Variants in CLVS1 observed in about 807,000 individuals in gnomAD.
The protein encoded by CLVS1 is clavesin 1.
In CLVS1, 10 loss-of-function variants were observed where a neutral mutation model predicts 33.1. The ratio of observed to expected loss-of-function variants is 0.30; its 90% confidence interval spans 0.19 to 0.51. CLVS1 has a LOEUF of 0.51. Ranked by LOEUF, CLVS1 falls within the 20% of genes least tolerant of loss-of-function variation. The probability of loss-of-function intolerance (pLI) is 0.97; values close to 1 mark genes in which losing one functional copy is unlikely to be tolerated. For missense variants in CLVS1, 343 were observed against 433.4 expected (o/e 0.79, Z 1.85); for synonymous variants, 163 against 166.1 (o/e 0.98, Z 0.14).
chr8:61,233,298 C>T (rs1357155155), intron 2 of CLVS1, among the ~76,000 whole-genome samples: 2 of 152,110 alleles, frequency 1.3e-5, no homozygotes, highest in African/African-American at 2.4e-5. Flanking sequence ...AACACCCTTG[C>T]CTTGTGAGGA....
intron 2 of CLVS1, among the ~76,000 whole-genome samples, chr8:61,331,776 C>T (rs1811602053): frequency 6.6e-6 from 1 of 151,434 alleles, no homozygotes; most frequent in Non-Finnish European, 1.5e-5. Context: ...TCTACATTTT[C>T]TCATTTCCTC....
At chr8:60,990,731 CAG>C in the CLVS1 span, among the ~76,000 whole-genome samples, 4,080 of 145,434 alleles carry the variant, frequency 0.028, 167 homozygotes, top group African/African-American at 0.094. Flanking sequence ...TTTTTTGAGA[CAG>C]AGTCTCATTC....
At chr8:61,408,912 T>C (rs905249471) in intron 3 of CLVS1, among the ~76,000 whole-genome samples, 16 of 152,180 alleles carry the variant, frequency 1.1e-4, no homozygotes, top group African/African-American at 3.6e-4. Context: ...GGGGAAACGA[T>C]GGTCTCCATA....
At chr8:61,001,694 C>T in the CLVS1 span, among the ~76,000 whole-genome samples, 1 of 152,224 alleles carries the variant, frequency 6.6e-6, no homozygotes, top group Admixed American at 6.5e-5. Context: ...TGGCTTTCTG[C>T]ATCCTAATTC....
intron 1 of CLVS1, among the ~76,000 whole-genome samples, chr8:61,092,922 G>A (rs772703494): frequency 5.3e-5 from 8 of 152,094 alleles, no homozygotes; most frequent in African/African-American, 9.7e-5. Flanking sequence ...ACTGGGCCAC[G>A]GCAGGGATTA....
chr8:61,367,760 A>G (rs147335093), intron 2 of CLVS1, among the ~76,000 whole-genome samples: 135 of 152,330 alleles, frequency 8.9e-4, no homozygotes, highest in African/African-American at 3.1e-3. Flanking sequence ...GACAGCTGGG[A>G]TTTAAATCAG....
intron 1 of CLVS1, among the ~76,000 whole-genome samples, chr8:61,066,086 G>A (rs1016078005): frequency 2.0e-5 from 3 of 152,186 alleles, no homozygotes; most frequent in African/African-American, 7.2e-5. Flanking sequence ...TATTTACACA[G>A]TGCAGTTGGG....
At position 61,256,801 on chromosome 8, in the gene CLVS1, A is replaced by G. The variant is rs74664298; in HGVS notation, c.-151-42876A>G. On this transcript the variant is annotated intron_variant, in intron 2 of 2. Coordinates refer to the CLVS1 transcript ENST00000522621. ...TTGTGAGGTGACAAGTGAAGGAAGC[A>G]ATTTTAGAAAATTTCAAACCAAATA... 5.1e-4 allele frequency among the ~76,000 whole-genome samples: 77 copies of G among 152,340 alleles called. No individual in the cohort carries two copies. In the East Asian group the frequency reaches 9.5e-3, roughly 19 times the overall value.
intron 1 of CLVS1, among the ~76,000 whole-genome samples, chr8:61,104,292 C>T (rs1188124296): frequency 6.6e-6 from 1 of 152,190 alleles, no homozygotes; most frequent in Admixed American, 6.5e-5. Flanking sequence ...ATCATTTGGT[C>T]AACTTCAAAG....
intron 1 of CLVS1, among the ~76,000 whole-genome samples, chr8:61,059,663 T>G (rs1804548542): frequency 6.6e-6 from 1 of 150,514 alleles, no homozygotes; most frequent in Non-Finnish European, 1.5e-5. Context: ...TAGAAAAAAT[T>G]AGCCGGATGT....
intron 2 of CLVS1, among the ~76,000 whole-genome samples, chr8:61,274,987 A>C (rs549925916): frequency 1.3e-5 from 2 of 152,194 alleles, no homozygotes; most frequent in Non-Finnish European, 2.9e-5. Context: ...AAGTTTTTAA[A>C]GGTGCCCAAT....
chr8:61,132,560 T>C (rs975490340), intron 2 of CLVS1, among the ~76,000 whole-genome samples: 9 of 152,200 alleles, frequency 5.9e-5, no homozygotes, highest in Non-Finnish European at 1.2e-4. Flanking sequence ...TCCCTGTCTT[T>C]TGTCCTTCTT....
Position 61,201,016 on chromosome 8 carries a change from C to T in CLVS1, c.-152+69156C>T, listed in dbSNP as rs536401877. ...TGGTGAAATTTACTAAATTGCAATCCTTTCATGGTGAAATTTACTAAATTG... is the reference window on the plus strand; with the variant it reads ...TGGTGAAATTTACTAAATTGCAATCTTTTCATGGTGAAATTTACTAAATTG... On this transcript the variant is annotated intron_variant, in intron 2 of 2. Coordinates refer to the CLVS1 transcript ENST00000522621. Among the ~76,000 whole-genome samples, 5 of 152,206 alleles carry T rather than the reference C, an allele frequency of 3.3e-5. No homozygotes were observed. In the East Asian group the frequency reaches 5.8e-4, roughly 18 times the overall value.
At chr8:60,984,234 T>C in the CLVS1 span, among the ~76,000 whole-genome samples, 2 of 152,210 alleles carry the variant, frequency 1.3e-5, no homozygotes, top group Non-Finnish European at 2.9e-5. Context: ...CTAATGAGAA[T>C]TAAGACCCTA....
In CLVS1 at chr8:61,095,602, G is replaced by T. The variant is rs191567498; in HGVS notation, c.-242-36168G>T. ...TGATCCTGATCTACTGGTTGAGAAA[G>T]CTTGCCCGAGAGGATCTTACACAAC... On this transcript the variant is annotated intron_variant, in intron 1 of 2. Coordinates refer to the CLVS1 transcript ENST00000522621. Among the ~76,000 whole-genome samples, 306 of 152,252 alleles carry T rather than the reference G, an allele frequency of 2.0e-3. 2 individuals are homozygous for T. Among genetic ancestry groups the T allele is most frequent in the African/African-American group, 5.0e-3 (206 of 41,562 alleles).
At chr8:61,473,686 C>T (rs893513920) in intron 5 of CLVS1, among the ~76,000 whole-genome samples, 1 of 152,070 alleles carries the variant, frequency 6.6e-6, no homozygotes, top group African/African-American at 2.4e-5. Context: ...AAGAAGATGA[C>T]TCAAAAATGT....
chr8:61,122,446 A>C (rs570906831), intron 1 of CLVS1, among the ~76,000 whole-genome samples: 1 of 152,240 alleles, frequency 6.6e-6, no homozygotes, highest in South Asian at 2.1e-4. Context: ...TCTGTCAAAC[A>C]CATCTTTCTG....
At chr8:61,350,669 A>C (rs1031565792) in intron 2 of CLVS1, among the ~76,000 whole-genome samples, 4 of 152,180 alleles carry the variant, frequency 2.6e-5, no homozygotes, top group African/African-American at 7.2e-5. Flanking sequence ...GTCTTTGTGC[A>C]TGTGCCCTGA....
intron 2 of CLVS1, among the ~76,000 whole-genome samples, chr8:61,321,166 G>A (rs906308634): frequency 9.2e-5 from 14 of 152,044 alleles, no homozygotes; most frequent in Non-Finnish European, 2.9e-5. Flanking sequence ...AGATTTTTCA[G>A]TGGCTTATTC....
Sources: gnomAD v4.1 joint callset for allele counts (sites outside exome capture counted in the v4.1 genomes callset) on GRCh38, gnomAD v4.1.1 for gene constraint, MANE v1.5 for transcripts, NCBI Gene and HGNC (gene_info 2026-07-23, HGNC 2026-07-21) for gene names.